DLGAP4: variants seen among roughly 807,000 people sequenced by gnomAD.
The protein encoded by DLGAP4 is disks large-associated protein 4.
A neutral mutation model predicts 86.9 loss-of-function variants in DLGAP4; 18 were observed. That is an observed-to-expected ratio of 0.21 (90% CI 0.14 to 0.31). The LOEUF (loss-of-function observed/expected upper bound fraction) is 0.31. DLGAP4 is among the 10% of genes least tolerant of loss of function. The pLI, the probability that DLGAP4 is intolerant of heterozygous loss-of-function variation, is 1.00. For synonymous variants in DLGAP4, 548 were observed against 574.3 expected (o/e 0.95, Z 0.65); for missense variants, 1,085 against 1,362.6 (o/e 0.80, Z 3.21).
chr20:36,413,026 C>T (rs1432731275), intron 2 of DLGAP4, among the ~76,000 whole-genome samples: 1 of 142,926 alleles, frequency 7.0e-6, no homozygotes, highest in Non-Finnish European at 1.5e-5. Context: ...GTCACCCAGG[C>T]TGGAGTACAG....
chr20:36,521,973 C>T (rs1313260510), intron 10 of DLGAP4, among the ~76,000 whole-genome samples: 1 of 152,092 alleles, frequency 6.6e-6, no homozygotes, highest in Admixed American at 6.6e-5. Flanking sequence ...GAGAGACGGG[C>T]CAGGACTGTG....
At chr20:36,467,064 C>CCCCCTCTCT (rs1555907465) in intron 7 of DLGAP4, among the ~76,000 whole-genome samples, 61 of 118,086 alleles carry the variant, frequency 5.2e-4, no homozygotes, top group African/African-American at 3.0e-3. Context: ...CTCTCTCTCT[C>CCCCCTCTCT]CCCCCCCCTT....
chr20:36,392,814 G>C (rs747038379), intron 2 of DLGAP4, among the ~76,000 whole-genome samples: 1 of 152,236 alleles, frequency 6.6e-6, no homozygotes, highest in Admixed American at 6.5e-5. Flanking sequence ...TGGTGGAAGA[G>C]ATAGACAATA....
intron 1 of DLGAP4, among the ~76,000 whole-genome samples, chr20:36,307,832 C>T (rs1326972010): frequency 2.0e-5 from 3 of 152,188 alleles, no homozygotes; most frequent in East Asian, 1.9e-4. Flanking sequence ...GGCTGTTTTC[C>T]GCCAGCTGGA....
At chr20:36,473,929 T>G (rs2034792587) in intron 7 of DLGAP4, among the ~76,000 whole-genome samples, 1 of 152,216 alleles carries the variant, frequency 6.6e-6, no homozygotes, top group Non-Finnish European at 1.5e-5. Context: ...GTTGGACTGC[T>G]GGGGTTCAGT....
At chr20:36,461,748 T>TC in intron 7 of DLGAP4, 1 of 852,110 alleles carries the variant, frequency 1.2e-6, no homozygotes, top group Non-Finnish European at 1.4e-6. Flanking sequence ...CGTCCGTCCG[T>TC]CCGCCCGCCC....
intron 7 of DLGAP4, among the ~76,000 whole-genome samples, chr20:36,484,287 A>G (rs948533585): frequency 6.6e-6 from 1 of 152,218 alleles, no homozygotes; most frequent in Non-Finnish European, 1.5e-5. Flanking sequence ...GCCAGCAGAC[A>G]GCTTCCCACC....
intron 1 of DLGAP4, among the ~76,000 whole-genome samples, chr20:36,334,636 C>A (rs1335984006): frequency 6.6e-6 from 1 of 152,106 alleles, no homozygotes; most frequent in Non-Finnish European, 1.5e-5. Context: ...AGGGGCCAAC[C>A]CAATTTTAGA....
chr20:36,342,806 C>T (rs1042093878), intron 1 of DLGAP4, among the ~76,000 whole-genome samples: 2 of 152,174 alleles, frequency 1.3e-5, no homozygotes, highest in Admixed American at 6.5e-5. Flanking sequence ...GTGTCCAGTA[C>T]TGGGAGGTAC....
intron 7 of DLGAP4, among the ~76,000 whole-genome samples, chr20:36,493,793 C>T (rs1330492894): frequency 6.6e-6 from 1 of 152,244 alleles, no homozygotes; most frequent in Admixed American, 6.5e-5. Flanking sequence ...CTGAGCTTCA[C>T]GTGCCCCACC....
At chr20:36,447,819 T>A (rs2033631859) in intron 7 of DLGAP4, among the ~76,000 whole-genome samples, 1 of 142,424 alleles carries the variant, frequency 7.0e-6, no homozygotes, top group Non-Finnish European at 1.5e-5. Flanking sequence ...AATAGAAAAT[T>A]GCATGTTCTC....
In DLGAP4 at chr20:36,306,832, TC is replaced by T. The variant is rs1284388855; in HGVS notation, c.-304+323del. Among the ~76,000 whole-genome samples the T allele has an allele frequency of 2.0e-5, 3 of 151,970 alleles. No individual in the cohort carries two copies. The highest frequency in any genetic ancestry group is 3.9e-4 in the East Asian group (2 of 5,142). The stretch of plus-strand genomic sequence containing the variant: ...ACCGGATCCCCATTCCGGCTCTTTT[TC>T]CCGCGGACTCCCCCGTACCCCATAT... On this transcript the variant is annotated intron_variant, in intron 1 of 12. Transcript: ENST00000339266. This position sits in a 1 kb window ranked among gnomAD's most constrained non-coding sequence, Gnocchi z 4.9.
rs141875358 is a variant in DLGAP4 at position 36,342,167 on chromosome 20, G to A, written c.-303-24878G>A. ...CCAAAGGTCAGAACTTTAGAGCCAG[G>A]GGCCTCCATACATTTGCTGTGTGGT... is the stretch of plus-strand genomic sequence containing the variant. On this transcript the variant is annotated intron_variant, in intron 1 of 12. Coordinates refer to ENST00000339266, the MANE Select transcript of DLGAP4 (RefSeq NM_001365621.2). Among the ~76,000 whole-genome samples the A allele has an allele frequency of 8.4e-4, 128 of 152,266 alleles. 1 individual carries two copies. In the Middle Eastern group the frequency reaches 0.01, roughly 12 times the overall value.
chr20:36,458,749 T>G (rs1392104213), intron 7 of DLGAP4, among the ~76,000 whole-genome samples: 1 of 151,958 alleles, frequency 6.6e-6, no homozygotes, highest in Non-Finnish European at 1.5e-5. Flanking sequence ...GGGGGCTGCA[T>G]GGAGCCACGT....
chr20:36,462,678 G>T, intron 7 of DLGAP4: 2 of 1,525,228 alleles, frequency 1.3e-6, no homozygotes, highest in Non-Finnish European at 1.7e-6. Flanking sequence ...GGTTGGCGCT[G>T]GGGCAAGGGC....
intron 7 of DLGAP4, among the ~76,000 whole-genome samples, chr20:36,457,044 G>A (rs560520162): frequency 4.6e-5 from 7 of 152,310 alleles, no homozygotes; most frequent in East Asian, 1.9e-4. Context: ...CATGGAGATT[G>A]TATTCTACTG....
intron 1 of DLGAP4, among the ~76,000 whole-genome samples, chr20:36,323,532 T>C (rs2065189889): frequency 6.6e-6 from 1 of 152,266 alleles, no homozygotes; most frequent in Non-Finnish European, 1.5e-5. Context: ...TTTCTAGTTT[T>C]TGACTATATG....
At chr20:36,381,747 C>T (rs1247823363) in intron 2 of DLGAP4, among the ~76,000 whole-genome samples, 1 of 152,092 alleles carries the variant, frequency 6.6e-6, no homozygotes, top group African/African-American at 2.4e-5. Context: ...TATGATGGGT[C>T]CTGGTGGGGC....
chr20:36,467,009 CTCTCTCTCCTCTCT>C (rs1569509545), intron 7 of DLGAP4, among the ~76,000 whole-genome samples: 1 of 134,512 alleles, frequency 7.4e-6, no homozygotes, highest in African/African-American at 2.9e-5. Flanking sequence ...CTCTCTCTCT[CTCTCTCTCCTCTCT>C]CTCTCTCTCT....
Sources: gnomAD v4.1 joint callset for allele counts (sites outside exome capture counted in the v4.1 genomes callset) on GRCh38, gnomAD v4.1.1 for gene constraint, Gnocchi (gnomAD v3.1) non-coding constraint, MANE v1.5 for transcripts, NCBI Gene and HGNC (gene_info 2026-07-23, HGNC 2026-07-21) for gene names.